The following PARN variants were observed in gnomAD, a reference collection of about 807,000 sequenced individuals.
The protein encoded by PARN is poly(A)-specific ribonuclease, also known as poly(A)-specific ribonuclease PARN.
A neutral mutation model predicts 102.8 loss-of-function variants in PARN; 71 were observed. The ratio of observed to expected loss-of-function variants is 0.69; its 90% CI spans 0.57 to 0.84. PARN has a LOEUF of 0.84. Among genes scored for constraint, PARN ranks in the 40% least tolerant of loss-of-function variants. The pLI is 0.00. For missense variants in PARN, 782 were observed against 760.9 expected (o/e 1.03, Z -0.33); for synonymous variants, 261 against 252.9 (o/e 1.03, Z -0.30).
At chr16:14,580,346 G>C (rs1249583337) in intron 18 of PARN, among the ~76,000 whole-genome samples, 1 of 151,242 alleles carries the variant, frequency 6.6e-6, no homozygotes, top group Admixed American at 6.6e-5. Context: ...GCAGTGCAGT[G>C]GTGCAATCTC....
At chr16:14,466,107 C>T (rs553477240) in intron 22 of PARN, among the ~76,000 whole-genome samples, 2 of 152,038 alleles carry the variant, frequency 1.3e-5, no homozygotes, top group South Asian at 2.1e-4. Context: ...ACAAATTTAC[C>T]TATATAACAA....
chr16:14,462,092 C>A (rs1210356561), intron 22 of PARN, among the ~76,000 whole-genome samples: 1 of 152,148 alleles, frequency 6.6e-6, no homozygotes, highest in Non-Finnish European at 1.5e-5. Context: ...TTTAACTAAC[C>A]TGGTGACTGA....
At chr16:14,466,465 G>T (rs986997209) in intron 22 of PARN, among the ~76,000 whole-genome samples, 1 of 152,106 alleles carries the variant, frequency 6.6e-6, no homozygotes, top group African/African-American at 2.4e-5. Context: ...TTGGCTTTAT[G>T]ACCTTGAATA....
At chr16:14,565,216 G>C (rs987247750) in intron 18 of PARN, 17 of 152,100 alleles carry the variant, frequency 1.1e-4, no homozygotes, top group African/African-American at 4.1e-4. Context: ...GCTCACTAAG[G>C]CTCCTGTGTA....
At chr16:14,555,090 T>C (rs1056483485) in intron 19 of PARN, among the ~76,000 whole-genome samples, 7 of 152,172 alleles carry the variant, frequency 4.6e-5, no homozygotes, top group Admixed American at 1.3e-4. Context: ...CAAACTATCA[T>C]TGCAACAATT....
At chr16:14,534,927 C>T (rs1408980444) in intron 21 of PARN, among the ~76,000 whole-genome samples, 1 of 151,836 alleles carries the variant, frequency 6.6e-6, no homozygotes, top group African/African-American at 2.4e-5. Flanking sequence ...CTCCACCTCC[C>T]GGGTCCAAGC....
At chr16:14,517,560 A>T (rs1965519228) in intron 21 of PARN, among the ~76,000 whole-genome samples, 1 of 152,264 alleles carries the variant, frequency 6.6e-6, no homozygotes, top group Non-Finnish European at 1.5e-5. Context: ...AACGAGGAGG[A>T]CATCTGAAAA....
chr16:14,615,099 C>T (rs1314001315), intron 6 of PARN, among the ~76,000 whole-genome samples: 1 of 151,980 alleles, frequency 6.6e-6, no homozygotes, highest in Non-Finnish European at 1.5e-5. Context: ...CTGACATTTA[C>T]AGAGCCTGAA....
At chr16:14,568,268 A>AG (rs1470862863) in intron 18 of PARN, among the ~76,000 whole-genome samples, 4 of 142,650 alleles carry the variant, frequency 2.8e-5, no homozygotes, top group Non-Finnish European at 6.0e-5. Context: ...GCTGCGGTGC[A>AG]GTGGCACGAT....
chr16:14,577,646 T>TTTAC (rs1166734403), intron 18 of PARN, among the ~76,000 whole-genome samples: 6 of 152,194 alleles, frequency 3.9e-5, no homozygotes, highest in African/African-American at 9.6e-5. Flanking sequence ...GAAAACCCAC[T>TTTAC]TTACTTACTT....
At chr16:14,595,110 A>T (rs1263864376) in intron 12 of PARN, among the ~76,000 whole-genome samples, 1 of 152,214 alleles carries the variant, frequency 6.6e-6, no homozygotes, top group African/African-American at 2.4e-5. Context: ...ATAAATCATA[A>T]ATGTTATCAT....
chr16:14,451,263 C>T (rs773540417), intron 22 of PARN, among the ~76,000 whole-genome samples: 3 of 152,214 alleles, frequency 2.0e-5, no homozygotes, highest in Non-Finnish European at 4.4e-5. Flanking sequence ...CACTCTCCTC[C>T]GGGAATGTTC....
intron 10 of PARN, among the ~76,000 whole-genome samples, chr16:14,605,684 T>A (rs1481406566): frequency 1.3e-5 from 2 of 152,166 alleles, no homozygotes; most frequent in Non-Finnish European, 2.9e-5. Context: ...TATACCTGAC[T>A]TAACAGCAAC....
intron 22 of PARN, among the ~76,000 whole-genome samples, chr16:14,460,785 T>C (rs188605001): frequency 8.2e-4 from 125 of 152,304 alleles, no homozygotes; most frequent in East Asian, 2.7e-3. Context: ...AAATAACAAA[T>C]AAGAGACAAA....
At chr16:14,476,931 A>T (rs1366263893) in intron 22 of PARN, among the ~76,000 whole-genome samples, 3 of 152,252 alleles carry the variant, frequency 2.0e-5, no homozygotes, top group African/African-American at 7.2e-5. Flanking sequence ...CAGTAGAATA[A>T]GAGGAACAGA....
intron 18 of PARN, among the ~76,000 whole-genome samples, chr16:14,557,464 G>A (rs537754391): frequency 1.6e-4 from 25 of 151,620 alleles, no homozygotes; most frequent in African/African-American, 5.8e-4. Context: ...GGCTAAGGCA[G>A]GAGAATCGCT....
intron 21 of PARN, among the ~76,000 whole-genome samples, chr16:14,485,654 TTC>T (rs1328448278): frequency 6.6e-6 from 1 of 151,732 alleles, no homozygotes; most frequent in Non-Finnish European, 1.5e-5. Context: ...TCTATTTCAA[TTC>T]TTTTTTTTTT....
At chr16:14,534,205 G>C (rs1455328521) in intron 21 of PARN, among the ~76,000 whole-genome samples, 1 of 142,908 alleles carries the variant, frequency 7.0e-6, no homozygotes, top group Non-Finnish European at 1.5e-5. Flanking sequence ...GGCAACTGGA[G>C]TAAGACCCTG....
At chr16:14,609,506 G>C (rs1285465167) in intron 7 of PARN, among the ~76,000 whole-genome samples, 1 of 152,114 alleles carries the variant, frequency 6.6e-6, no homozygotes, top group African/African-American at 2.4e-5. Flanking sequence ...AGGAAGTTGA[G>C]GCTGCAGTGA....
Sources: allele counts gnomAD v4.1 joint callset (sites outside exome capture counted in the v4.1 genomes callset), GRCh38; gene constraint gnomAD v4.1.1; transcripts MANE v1.5; gene names NCBI Gene and HGNC (gene_info 2026-07-23, HGNC 2026-07-21).